The following TAF1 variants were observed in gnomAD, a reference collection of about 807,000 sequenced individuals.
TAF1 encodes transcription initiation factor TFIID subunit 1.
TAF1 carries 2 observed loss-of-function variants against 138.5 expected under a neutral mutation model. That is an observed-to-expected ratio of 0.01 (90% CI 0.01 to 0.05). The LOEUF (loss-of-function observed/expected upper bound fraction) is 0.05, where lower values mean the gene tolerates loss of function less well. Among genes scored for constraint, TAF1 ranks in the 10% least tolerant of loss-of-function variants. The pLI, the probability that TAF1 is intolerant of heterozygous loss-of-function variation, is 1.00. For missense variants in TAF1, 709 were observed against 1,478.0 expected (o/e 0.48, Z 8.53); for synonymous variants, 437 against 503.2 (o/e 0.87, Z 1.76).
At chrX:71,394,312 A>G in intron 22 of TAF1, 67 bp downstream of exon 22, 1 of 1,102,403 alleles carries the variant, frequency 9.1e-7, no homozygotes, top group Non-Finnish European at 1.2e-6. Context: ...ACGTAACTGC[A>G]GACTGTAATT....
intron 32 of TAF1, among the ~76,000 whole-genome samples, chrX:71,431,218 A>G (rs192169137): frequency 2.7e-3 from 286 of 107,758 alleles, no homozygotes; most frequent in Non-Finnish European, 4.5e-3. Flanking sequence ...ACATGTCACC[A>G]CACCCAGCTA....
At chrX:71,454,913 T>A (rs1055256229) in intron 34 of TAF1, 56 bp downstream of exon 34, 1 of 1,196,416 alleles carries the variant, frequency 8.4e-7, no homozygotes, top group Non-Finnish European at 1.1e-6. Context: ...TTTGGGAAAT[T>A]GGGAGCATGT....
At chrX:71,380,617 T>C (rs1292299424) in intron 8 of TAF1, among the ~76,000 whole-genome samples, 2 of 111,244 alleles carry the variant, frequency 1.8e-5, no homozygotes, top group Non-Finnish European at 3.8e-5. Flanking sequence ...ATATATGATA[T>C]CCTATTAGTG....
At chrX:71,426,030 C>T (rs1311599449) in intron 32 of TAF1, among the ~76,000 whole-genome samples, 6 of 108,817 alleles carry the variant, frequency 5.5e-5, no homozygotes, top group Admixed American at 2.0e-4. Flanking sequence ...GAGGCCAAGG[C>T]GGGCGGATCA....
intron 13 of TAF1, among the ~76,000 whole-genome samples, chrX:71,482,710 T>C (rs1027851667): frequency 9.0e-6 from 1 of 111,555 alleles, no homozygotes; most frequent in African/African-American, 3.3e-5. Context: ...TTGCTGAAGG[T>C]TGGGGTGGCT....
intron 13 of TAF1, among the ~76,000 whole-genome samples, chrX:71,500,778 A>G (rs968688914): frequency 9.0e-6 from 1 of 110,631 alleles, no homozygotes; most frequent in African/African-American, 3.3e-5. Context: ...TTATGCCCCA[A>G]AAGGCTGGGC....
chrX:71,520,131 ATTT>A lies in TAF1; in HGVS notation c.1367-8410_1367-8408del, dbSNP rs1303593399. ...CCCTGGCCTGAAGGCATTTTATTTT[ATTT>A]ATTTATTTATTTATTTATTTATTTA... On this transcript the variant is annotated intron_variant and NMD_transcript_variant, in intron 13 of 14. Coordinates refer to the TAF1 transcript ENST00000373775. 2.6e-4 allele frequency among the ~76,000 whole-genome samples: 7 copies of A among 26,653 alleles called. No individual in the cohort carries two copies. The African/African-American group carries it at 4.9e-3, about 18-fold the overall frequency. The allele number at this position is 26,653 out of a possible 115,157, so 23.1% of individuals were successfully genotyped here. A position where few individuals can be genotyped will look rare whatever the true frequency, so the allele number is the denominator to read the frequency against.
At chrX:71,458,388 T>C (rs981970516) in intron 35 of TAF1, 22 bp downstream of exon 35, 1 of 1,205,547 alleles carries the variant, frequency 8.3e-7, no homozygotes, top group Middle Eastern at 2.3e-4. Context: ...TTTTTCTCTT[T>C]ATAAGATTGT....
At chrX:71,411,323 T>A (rs149092104) in intron 28 of TAF1, among the ~76,000 whole-genome samples, 3,237 of 111,211 alleles carry the variant, frequency 0.029, 51 homozygotes, top group Non-Finnish European at 0.043. Context: ...CTCAAGCGAT[T>A]CACTGACCTT....
chrX:71,469,330 A>C (rs1031357753), downstream of TAF1, among the ~76,000 whole-genome samples: 2 of 111,699 alleles, frequency 1.8e-5, no homozygotes, highest in African/African-American at 6.5e-5. Flanking sequence ...AGCTCATAAC[A>C]TAATAAGTGA....
intron 3 of TAF1, among the ~76,000 whole-genome samples, chrX:71,369,343 C>T (rs774884658): frequency 9.0e-6 from 1 of 111,449 alleles, no homozygotes; most frequent in East Asian, 2.8e-4. Flanking sequence ...TTTTTTTCCT[C>T]TCTGGTATAG....
intron 28 of TAF1, among the ~76,000 whole-genome samples, chrX:71,417,061 C>G (rs987326698): frequency 2.7e-5 from 3 of 109,674 alleles, no homozygotes; most frequent in Non-Finnish European, 3.8e-5. Flanking sequence ...AACTTAATGC[C>G]CAAATGTGGC....
At chrX:71,407,873 C>T in intron 27 of TAF1, 101 bp from the exon 28 acceptor site, 1 of 1,063,846 alleles carries the variant, frequency 9.4e-7, no homozygotes. Flanking sequence ...AGATTCCTTT[C>T]AGTGTTGATA....
chrX:71,469,162 G>A (rs1407957243), downstream of TAF1, among the ~76,000 whole-genome samples: 1 of 110,984 alleles, frequency 9.0e-6, no homozygotes, highest in Non-Finnish European at 1.9e-5. Flanking sequence ...ACAATTAGCT[G>A]GGTGTGGTGG....
intron 17 of TAF1, among the ~76,000 whole-genome samples, chrX:71,389,262 T>G (rs28382174): frequency 1.8e-5 from 2 of 111,819 alleles, no homozygotes. Flanking sequence ...AGAATTCTTA[T>G]AAGGCCAAAA....
At chrX:71,509,573 C>T (rs931497335) in intron 13 of TAF1, among the ~76,000 whole-genome samples, 1 of 111,255 alleles carries the variant, frequency 9.0e-6, no homozygotes, top group East Asian at 2.8e-4. Flanking sequence ...CATGGTGGCT[C>T]ACACCTGTAA....
intron 14 of TAF1, among the ~76,000 whole-genome samples, chrX:71,386,635 T>C (rs1179042657): frequency 8.9e-6 from 1 of 112,138 alleles, no homozygotes; most frequent in Non-Finnish European, 1.9e-5. Flanking sequence ...CAGCTAATTA[T>C]TGTATTTTCT....
chrX:71,426,765 A>C (rs1337818918), intron 32 of TAF1, among the ~76,000 whole-genome samples: 1 of 110,963 alleles, frequency 9.0e-6, no homozygotes, highest in African/African-American at 3.3e-5. Context: ...TCAAGTGTAC[A>C]TACTGGTAAA....
chrX:71,383,287 T>C (rs2148290825), intron 12 of TAF1, 123 bp downstream of exon 12: 1 of 833,944 alleles, frequency 1.2e-6, no homozygotes, highest in Non-Finnish European at 1.6e-6. Context: ...TAGAATGTTA[T>C]TTTGGTTATT....
Sources: gnomAD v4.1 joint callset for allele counts (sites outside exome capture counted in the v4.1 genomes callset) on GRCh38, gnomAD v4.1.1 for gene constraint, MANE v1.5 for transcripts, NCBI Gene and HGNC (gene_info 2026-07-23, HGNC 2026-07-21) for gene names.